LUZP2: variants seen among roughly 807,000 people sequenced by gnomAD.
The protein encoded by LUZP2 is leucine zipper protein 2.
A neutral mutation model predicts 51.6 loss-of-function variants in LUZP2; 52 were observed. The observed-to-expected ratio is 1.01, with a 90% CI of 0.81 to 1.27. The LOEUF is 1.27. LUZP2 is among the 50% of genes most tolerant of loss of function. LUZP2 has a pLI of 0.00. For missense variants in LUZP2, 436 were observed against 395.4 expected (o/e 1.10, Z -0.87); for synonymous variants, 154 against 137.3 (o/e 1.12, Z -0.85).
chr11:24,706,075 T>G (rs1590374550), intron 1 of LUZP2, among the ~76,000 whole-genome samples: 1 of 152,190 alleles, frequency 6.6e-6, no homozygotes, highest in Admixed American at 6.5e-5. Flanking sequence ...AGCTGTGCAG[T>G]GACTTCTACT....
chr11:24,816,083 A>T (rs1291754489), intron 5 of LUZP2, among the ~76,000 whole-genome samples: 2 of 151,432 alleles, frequency 1.3e-5, no homozygotes, highest in Non-Finnish European at 2.9e-5. Flanking sequence ...TATAAGCCTT[A>T]GTTTTCTTTG....
At chr11:24,536,985 G>T (rs1244369426) in intron 1 of LUZP2, among the ~76,000 whole-genome samples, 1 of 151,794 alleles carries the variant, frequency 6.6e-6, no homozygotes, top group Non-Finnish European at 1.5e-5. Context: ...CCCAAGGAGG[G>T]GGAGAAAGAC....
intron 6 of LUZP2, among the ~76,000 whole-genome samples, chr11:24,910,124 C>G (rs981592036): frequency 1.1e-4 from 16 of 152,150 alleles, no homozygotes; most frequent in African/African-American, 3.9e-4. Flanking sequence ...CCCTAGAGTT[C>G]TGTGGAACTT....
chr11:24,563,419 T>G (rs1852118622), intron 1 of LUZP2, among the ~76,000 whole-genome samples: 1 of 152,208 alleles, frequency 6.6e-6, no homozygotes, highest in South Asian at 2.1e-4. Context: ...AATTGAAAAT[T>G]TAATACACAA....
chr11:25,068,313 G>A (rs2404023), intron 10 of LUZP2, among the ~76,000 whole-genome samples: 147,667 of 152,062 alleles, frequency 0.97, 71,847 homozygotes, highest in East Asian at 1. Flanking sequence ...TTAAAGTATG[G>A]TTAAAAAATA....
At chr11:24,497,841 G>A (rs1849874233) in intron 1 of LUZP2, among the ~76,000 whole-genome samples, 1 of 152,220 alleles carries the variant, frequency 6.6e-6, no homozygotes, top group African/African-American at 2.4e-5. Flanking sequence ...GATAAGCTTA[G>A]TGATAGGCGT....
At chr11:24,658,745 C>CA (rs1362880128) in intron 1 of LUZP2, among the ~76,000 whole-genome samples, 1 of 152,096 alleles carries the variant, frequency 6.6e-6, no homozygotes, top group Admixed American at 6.6e-5. Context: ...ACAACCCCAT[C>CA]AAAAAGTCAA....
At chr11:24,852,616 T>A (rs1232834317) in intron 5 of LUZP2, among the ~76,000 whole-genome samples, 1 of 152,170 alleles carries the variant, frequency 6.6e-6, no homozygotes, top group Non-Finnish European at 1.5e-5. Context: ...GATTATCTAT[T>A]AGGTCTTCTT....
rs369249874 is a variant in LUZP2 at position 25,048,146 on chromosome 11, G to C, written c.766-1892G>C. On this transcript the variant is annotated intron_variant, in intron 9 of 11. Coordinates refer to ENST00000336930, the MANE Select transcript of LUZP2 (RefSeq NM_001009909.4). ...TGCTGAATTAAGTATAAAATTTGTA[G>C]CTCAATTTTGGGATCTCCTCTCTAC... Among the ~76,000 whole-genome samples, 98 of 152,182 alleles carry C rather than the reference G, an allele frequency of 6.4e-4. 1 individual carries two copies. Among genetic ancestry groups the C allele is most frequent in the Middle Eastern group, 3.4e-3 (1 of 294 alleles).
At chr11:24,855,656 C>T (rs563713368) in intron 5 of LUZP2, among the ~76,000 whole-genome samples, 1 of 152,164 alleles carries the variant, frequency 6.6e-6, no homozygotes, top group South Asian at 2.1e-4. Context: ...GTTGGAACAA[C>T]CAAAGCAATC....
At chr11:24,588,671 A>G (rs560284209) in intron 1 of LUZP2, among the ~76,000 whole-genome samples, 1 of 152,044 alleles carries the variant, frequency 6.6e-6, no homozygotes, top group East Asian at 1.9e-4. Context: ...AAATAATAAT[A>G]GTAATACTAA....
chr11:25,027,360 T>A (rs1428548648), intron 9 of LUZP2, among the ~76,000 whole-genome samples: 1 of 152,164 alleles, frequency 6.6e-6, no homozygotes, highest in Non-Finnish European at 1.5e-5. Context: ...ATTAATAATA[T>A]GTGTCATCAT....
chr11:24,772,963 T>G (rs1007720), intron 5 of LUZP2, among the ~76,000 whole-genome samples: 101,735 of 151,990 alleles, frequency 0.67, 34,187 homozygotes, highest in African/African-American at 0.71. Context: ...CATGTGCAAA[T>G]AACTTATTTC....
rs182596597 is a variant in LUZP2, at chr11:24,666,358, A to T, written c.63-62811A>T. ...GTTAACTCCTTTCTCACCAGCTTTT[A>T]GTCATTGATTTTATAAGGAAAAAAA... On this transcript the variant is annotated intron_variant, in intron 1 of 11. Coordinates refer to ENST00000336930, the MANE Select transcript of LUZP2 (RefSeq NM_001009909.4). 3.8e-3 allele frequency among the ~76,000 whole-genome samples: 582 copies of T among 152,324 alleles called. 2 individuals are homozygous for T. The highest frequency in any genetic ancestry group is 0.013 in the African/African-American group (545 of 41,580).
At chr11:24,933,376 A>T (rs946317049) in intron 7 of LUZP2, among the ~76,000 whole-genome samples, 5 of 152,192 alleles carry the variant, frequency 3.3e-5, no homozygotes, top group African/African-American at 9.6e-5. Context: ...AAGTATTGAA[A>T]TTTTAAAGAG....
At chr11:24,945,941 A>G (rs1351081331) in intron 7 of LUZP2, among the ~76,000 whole-genome samples, 1 of 152,032 alleles carries the variant, frequency 6.6e-6, no homozygotes, top group East Asian at 1.9e-4. Flanking sequence ...TCACAAAAAG[A>G]TGTTCATATT....
chr11:24,685,736 G>A (rs1856877768), intron 1 of LUZP2, among the ~76,000 whole-genome samples: 1 of 152,086 alleles, frequency 6.6e-6, no homozygotes, highest in Admixed American at 6.6e-5. Context: ...CATAAACTAA[G>A]AAATATTTCA....
intron 1 of LUZP2, among the ~76,000 whole-genome samples, chr11:24,544,870 T>G (rs749114393): frequency 2.0e-5 from 3 of 152,150 alleles, no homozygotes; most frequent in Non-Finnish European, 4.4e-5. Context: ...CACACTGTTT[T>G]CCACAATGGC....
At chr11:24,601,729 A>G (rs748755809) in intron 1 of LUZP2, among the ~76,000 whole-genome samples, 4 of 151,122 alleles carry the variant, frequency 2.6e-5, no homozygotes, top group Admixed American at 6.6e-5. Flanking sequence ...AGCATTTACC[A>G]GCAACCAAGA....
Sources: gnomAD v4.1 joint callset for allele counts (sites outside exome capture counted in the v4.1 genomes callset) on GRCh38, gnomAD v4.1.1 for gene constraint, MANE v1.5 for transcripts, NCBI Gene and HGNC (gene_info 2026-07-23, HGNC 2026-07-21) for gene names.